Variants in ACSM6 observed in about 807,000 individuals in gnomAD.
ACSM6 encodes acyl-coenzyme A synthetase ACSM6, mitochondrial.
A neutral mutation model predicts 51.1 loss-of-function variants in ACSM6; 35 were observed. That is an observed-to-expected ratio of 0.69 (90% CI 0.52 to 0.91). The LOEUF is 0.91. Among genes scored for constraint, ACSM6 ranks in the 40% least tolerant of loss-of-function variants. The pLI is 0.00. For synonymous variants in ACSM6, 172 were observed against 207.3 expected (o/e 0.83, Z 1.46); for missense variants, 509 against 584.1 (o/e 0.87, Z 1.32).
At position 95,213,054 on chromosome 10, in the gene ACSM6, G is replaced by C. The variant is rs898771043; in HGVS notation, c.995+114G>C. The C allele has an allele frequency of 3.7e-6, 3 of 817,060 alleles. No individual in the cohort carries two copies. In the African/African-American group the frequency reaches 5.1e-5, roughly 14 times the overall value. 50.6% of individuals were successfully genotyped at this position (817,060 alleles called of 1,614,324 possible). ...AATCTTACCCTCCGGTAACACACTT[G>C]TCTTGTTGCCATTCATGACAACAAC... On this transcript the variant is annotated intron_variant, in intron 7 of 10. Coordinates refer to ENST00000341686, the Ensembl canonical transcript of ACSM6.
chr10:95,195,872 G>A (rs2034720439), intron 2 of ACSM6, among the ~76,000 whole-genome samples: 1 of 152,100 alleles, frequency 6.6e-6, no homozygotes, highest in African/African-American at 2.4e-5. Context: ...TTACCCATTT[G>A]GGCCAAAGAA....
At chr10:95,224,763 G>GA (rs1249143094) in intron 9 of ACSM6, among the ~76,000 whole-genome samples, 1 of 152,086 alleles carries the variant, frequency 6.6e-6, no homozygotes, top group Non-Finnish European at 1.5e-5. Flanking sequence ...TTCTTAATAG[G>GA]AAAAAATAAC....
exon 5 of ACSM6, chr10:95,210,786 G>A (rs770179203): frequency 6.2e-6 from 10 of 1,613,734 alleles, no homozygotes; most frequent in Non-Finnish European, 8.5e-6. Flanking sequence ...ATTCAGCCAG[G>A]CTTCCAGGTA....
intron 2 of ACSM6, among the ~76,000 whole-genome samples, chr10:95,197,736 T>A (rs1383870494): frequency 6.6e-6 from 1 of 152,146 alleles, no homozygotes; most frequent in Non-Finnish European, 1.5e-5. Context: ...GCAAGAGGCT[T>A]TCCTCTTTTA....
intron 5 of ACSM6, 94 bp downstream of exon 5, chr10:95,210,887 A>AG: frequency 2.9e-6 from 4 of 1,402,558 alleles, no homozygotes; most frequent in Non-Finnish European, 3.8e-6. Flanking sequence ...GGAGTTTCTT[A>AG]CTCAAGACTG....
At chr10:95,222,351 G>C (rs2035001704) in intron 9 of ACSM6, among the ~76,000 whole-genome samples, 1 of 152,160 alleles carries the variant, frequency 6.6e-6, no homozygotes, top group African/African-American at 2.4e-5. Context: ...GGCTGGGCAA[G>C]GTGGCTTACA....
intron 3 of ACSM6, 72 bp downstream of exon 3, chr10:95,202,267 G>A (rs1187970954): frequency 2.4e-6 from 3 of 1,262,368 alleles, no homozygotes; most frequent in Non-Finnish European, 3.4e-6. Context: ...TCACAGAATG[G>A]AGATGTTAGA....
chr10:95,219,821 AT>A, intron 8 of ACSM6, 69 bp from the exon 9 acceptor site: 1 of 1,163,884 alleles, frequency 8.6e-7, no homozygotes, highest in Non-Finnish European at 1.3e-6. Flanking sequence ...ATGTCTGGTT[AT>A]GATCAATAAC....
chr10:95,203,259 G>A (rs1042572884), intron 3 of ACSM6, among the ~76,000 whole-genome samples: 1 of 152,144 alleles, frequency 6.6e-6, no homozygotes, highest in South Asian at 2.1e-4. Flanking sequence ...ATCACTCCCA[G>A]ATGGGACTCT....
chr10:95,222,245 A>C (rs2035000857), intron 9 of ACSM6, among the ~76,000 whole-genome samples: 1 of 152,198 alleles, frequency 6.6e-6, no homozygotes, highest in South Asian at 2.1e-4. Context: ...AAACAAATTT[A>C]ACAAAGTTTC....
intron 7 of ACSM6, among the ~76,000 whole-genome samples, 192 bp downstream of exon 7, chr10:95,213,132 G>A (rs17524438): frequency 0.28 from 42,732 of 151,984 alleles, 7,311 homozygotes; most frequent in Non-Finnish European, 0.39. Flanking sequence ...TCCATATCTT[G>A]ACCCAGAACA....
rs1473222753 is a variant in ACSM6 at position 95,225,409 on chromosome 10, T to C, written c.1302+18T>C. 6.9e-7 allele frequency: 1 copy of C among 1,446,994 alleles called. No individual in the cohort carries two copies. The highest frequency in any genetic ancestry group is 9.4e-7 in the Non-Finnish European group (1 of 1,062,070). 89.6% of individuals were successfully genotyped at this position (1,446,994 alleles called of 1,614,324 possible). On this transcript the variant is annotated intron_variant, in intron 10 of 10. Coordinates refer to ENST00000341686, the Ensembl canonical transcript of ACSM6. ...CACACATGGTAAGAAAATTTTCTTC[T>C]TTCCTAAATACTTTCATTGTTGCTA...
chr10:95,212,003 T>C (rs760400125), exon 6 of ACSM6: 3 of 1,614,158 alleles, frequency 1.9e-6, no homozygotes, highest in African/African-American at 1.3e-5. Context: ...CTGTGTCACA[T>C]GCCAACCTTC....
chr10:95,219,943 G>A (rs756097183), exon 9 of ACSM6: 4 of 1,613,284 alleles, frequency 2.5e-6, no homozygotes, highest in Non-Finnish European at 3.4e-6. Context: ...AGCTCTCTGG[G>A]GAAGCCATTG....
chr10:95,209,836 A>G lies in ACSM6; in HGVS notation c.612-814A>G, dbSNP rs866915771. 2.3e-4 allele frequency among the ~76,000 whole-genome samples: 35 copies of G among 152,172 alleles called. No individual in the cohort carries two copies. In the Middle Eastern group the frequency reaches 0.01, roughly 44 times the overall value. On this transcript the variant is annotated intron_variant, in intron 4 of 10. Coordinates refer to ENST00000341686, the Ensembl canonical transcript of ACSM6. ...TAATTTAATTTTTTTTAATTAAAAA[A>G]ATCAAATTGGTAAACTTCTCATGAC...
chr10:95,200,630 A>AAG (rs71034321), intron 2 of ACSM6, among the ~76,000 whole-genome samples: 2 of 151,002 alleles, frequency 1.3e-5, no homozygotes, highest in African/African-American at 4.9e-5. Context: ...GAAGAAGAAG[A>AAG]CTCTAAACAG....
chr10:95,201,234 A>G (rs1376544224), intron 2 of ACSM6, among the ~76,000 whole-genome samples: 1 of 152,174 alleles, frequency 6.6e-6, no homozygotes, highest in Admixed American at 6.5e-5. Flanking sequence ...TAGATGGCAC[A>G]ATGGTGAGGC....
intron 9 of ACSM6, among the ~76,000 whole-genome samples, chr10:95,222,879 A>G (rs2035006872): frequency 6.6e-6 from 1 of 152,130 alleles, no homozygotes. Flanking sequence ...AGAGGGTGGG[A>G]GGAAACTTTT....
exon 11 of ACSM6, chr10:95,228,740 G>A: frequency 6.4e-7 from 1 of 1,551,748 alleles, no homozygotes; most frequent in Non-Finnish European, 8.7e-7. Flanking sequence ...CTGGTGGTCT[G>A]GTAGAGTTGA....
Sources: allele counts gnomAD v4.1 joint callset (sites outside exome capture counted in the v4.1 genomes callset), GRCh38; gene constraint gnomAD v4.1.1; transcripts MANE v1.5; gene names NCBI Gene and HGNC (gene_info 2026-07-23, HGNC 2026-07-21).